The following ANKRD30A variants were observed in gnomAD, a reference collection of about 807,000 sequenced individuals.
The protein encoded by ANKRD30A is ankyrin repeat domain 30A, also known as ankyrin repeat domain-containing protein 30A.
Under a neutral mutation model 166.3 loss-of-function variants are expected in ANKRD30A, and 170 were observed. The ratio of observed to expected loss-of-function variants is 1.02; its 90% CI spans 0.90 to 1.16. ANKRD30A has a LOEUF of 1.16. Among genes scored for constraint, ANKRD30A ranks in the 50% most tolerant of loss-of-function variants. The pLI, the probability that ANKRD30A is intolerant of heterozygous loss-of-function variation, is 0.00. For synonymous variants in ANKRD30A, 564 were observed against 508.9 expected (o/e 1.11, Z -1.46); for missense variants, 1,630 against 1,518.0 (o/e 1.07, Z -1.23).
rs746632564 is a variant in ANKRD30A at position 37,162,776 on chromosome 10, C to T, written c.1930C>T (p.Pro644Ser). The T allele has an allele frequency of 1.9e-6, 3 of 1,613,708 alleles. No individual in the cohort carries two copies. The part of the protein sequence containing the change: ...EPPGKPSAFE[P>S]ATEMQKSVPN... ...TCATTTTGCTTCCAACCCCATTTAG[C>T]CTGCCACTGAAATGCAAAAGTCTGT... Residue 644 changes from proline (P) to serine (S), a missense_variant and splice_region_variant, in exon 17 of 36, where the codon CCT (proline) becomes TCT (serine). Pro to Ser is a moderately conservative substitution (Grantham distance 74, BLOSUM62 -1). Coordinates refer to ENST00000361713, the MANE Select transcript of ANKRD30A (RefSeq NM_052997.3).
intron 27 of ANKRD30A, among the ~76,000 whole-genome samples, chr10:37,197,053 G>A (rs1200892): frequency 0.34 from 52,264 of 151,874 alleles, 9,616 homozygotes; most frequent in Non-Finnish European, 0.41. Flanking sequence ...ACACAATCTC[G>A]CTCTTGAAGT....
the ANKRD30A span, among the ~76,000 whole-genome samples, chr10:37,259,387 T>C: frequency 1.3e-5 from 2 of 152,188 alleles, no homozygotes; most frequent in Admixed American, 6.5e-5. Flanking sequence ...AGCAAGGATA[T>C]GGAACAACTA....
chr10:37,227,679 C>T (rs1843224264), intron 34 of ANKRD30A, among the ~76,000 whole-genome samples: 1 of 151,938 alleles, frequency 6.6e-6, no homozygotes, highest in Non-Finnish European at 1.5e-5. Flanking sequence ...GGAAGTCAAG[C>T]TTACAAAGAC....
the ANKRD30A span, among the ~76,000 whole-genome samples, chr10:37,250,185 A>C: frequency 6.6e-6 from 1 of 152,164 alleles, no homozygotes; most frequent in Non-Finnish European, 1.5e-5. Context: ...TTATTTACCA[A>C]TGTGATGAGT....
chr10:37,236,633 C>G (rs898904112), downstream of ANKRD30A, among the ~76,000 whole-genome samples: 1 of 152,168 alleles, frequency 6.6e-6, no homozygotes, highest in Non-Finnish European at 1.5e-5. Flanking sequence ...TGAAGGCTCA[C>G]CAATTATTTG....
intron 31 of ANKRD30A, among the ~76,000 whole-genome samples, chr10:37,203,048 C>T (rs1841751022): frequency 6.6e-6 from 1 of 152,128 alleles, no homozygotes; most frequent in African/African-American, 2.4e-5. Flanking sequence ...CCAAATTCTA[C>T]CAGAGGTACA....
chr10:37,158,657 T>C (rs1245497824), intron 15 of ANKRD30A, 71 bp downstream of exon 15: 5 of 1,579,080 alleles, frequency 3.2e-6, no homozygotes, highest in Non-Finnish European at 4.3e-6. Flanking sequence ...GTGAGACTTT[T>C]CATTCCCAAT....
intron 21 of ANKRD30A, among the ~76,000 whole-genome samples, chr10:37,171,445 T>C (rs1274792569): frequency 6.6e-6 from 1 of 150,542 alleles, no homozygotes; most frequent in East Asian, 1.9e-4. Flanking sequence ...TCATTAACCA[T>C]GAAAATTATG....
At chr10:37,135,589 CAGT>C (rs1238152453) in intron 5 of ANKRD30A, among the ~76,000 whole-genome samples, 15 of 152,082 alleles carry the variant, frequency 9.9e-5, no homozygotes, top group Admixed American at 6.6e-5. Context: ...TTACAAAAAA[CAGT>C]GGTGGGTTTT....
chr10:37,237,507 C>G (rs923511864), downstream of ANKRD30A, among the ~76,000 whole-genome samples: 2 of 152,008 alleles, frequency 1.3e-5, no homozygotes, highest in African/African-American at 2.4e-5. Context: ...TATGGGACAT[C>G]GTTTAAAAAC....
At chr10:37,197,658 AT>A (rs530407683) in intron 29 of ANKRD30A, among the ~76,000 whole-genome samples, 178 bp downstream of exon 29, 221 of 152,028 alleles carry the variant, frequency 1.5e-3, no homozygotes, top group African/African-American at 5.0e-3. Context: ...AATTTTCAAT[AT>A]TTTTTTTAAA....
intron 31 of ANKRD30A, among the ~76,000 whole-genome samples, chr10:37,202,210 G>A (rs1203962162): frequency 2.6e-5 from 4 of 151,842 alleles, no homozygotes; most frequent in Non-Finnish European, 5.9e-5. Flanking sequence ...GAAGAAAGGG[G>A]CAACGCAATA....
chr10:37,194,806 C>T (rs925312370), intron 27 of ANKRD30A, among the ~76,000 whole-genome samples: 8 of 152,128 alleles, frequency 5.3e-5, no homozygotes, highest in African/African-American at 1.9e-4. Flanking sequence ...TTTAATTAGA[C>T]CGTCTTTTCT....
chr10:37,221,042 A>G (rs1015696158), intron 34 of ANKRD30A, among the ~76,000 whole-genome samples: 1 of 133,052 alleles, frequency 7.5e-6, no homozygotes. Flanking sequence ...AGTCCTTCCC[A>G]CATTTTTTTT....
At chr10:37,225,815 A>T (rs1843121479) in intron 34 of ANKRD30A, among the ~76,000 whole-genome samples, 1 of 151,788 alleles carries the variant, frequency 6.6e-6, no homozygotes, top group Admixed American at 6.6e-5. Flanking sequence ...TTTTAGTGAG[A>T]TATAATTAAC....
intron 8 of ANKRD30A, among the ~76,000 whole-genome samples, chr10:37,146,094 G>A (rs1460038042): frequency 6.6e-6 from 1 of 152,276 alleles, no homozygotes; most frequent in Non-Finnish European, 1.5e-5. Flanking sequence ...CCAAGCCCCT[G>A]CTGCACAGTG....
chr10:37,213,163 T>A (rs1470112634), intron 31 of ANKRD30A, among the ~76,000 whole-genome samples: 1 of 151,862 alleles, frequency 6.6e-6, no homozygotes, highest in Non-Finnish European at 1.5e-5. Flanking sequence ...GCCTATTATT[T>A]AAAAAATCTG....
chr10:37,138,517 C>T (rs2132524940), intron 6 of ANKRD30A, among the ~76,000 whole-genome samples: 1 of 152,198 alleles, frequency 6.6e-6, no homozygotes, highest in South Asian at 2.1e-4. Flanking sequence ...ATAACCAATG[C>T]AGAGAAGTCC....
At position 37,125,752 on chromosome 10, in the gene ANKRD30A, G is replaced by C; in HGVS notation, c.-36G>C. ...GGGTGGTGGCTGGGAAGGGCGATCG[G>C]GAGGCGCGGGCACTCTCTAGCAGGT... On this transcript the variant is annotated 5_prime_UTR_variant, in exon 1 of 36. Transcript: ENST00000361713. 3 of 586,994 alleles carry C rather than the reference G, an allele frequency of 5.1e-6. No homozygotes were observed. Among genetic ancestry groups the C allele is most frequent in the Non-Finnish European group, 9.2e-6 (3 of 324,880 alleles). The allele number at this position is 586,994 out of a possible 1,614,324, so 36.4% of individuals were successfully genotyped here. A position where few individuals can be genotyped will look rare whatever the true frequency, so the allele number is the denominator to read the frequency against.
Sources: allele counts gnomAD v4.1 joint callset (sites outside exome capture counted in the v4.1 genomes callset), GRCh38; gene constraint gnomAD v4.1.1; transcripts MANE v1.5; gene names NCBI Gene and HGNC (gene_info 2026-07-23, HGNC 2026-07-21).